The following PLEKHM3 variants were observed in gnomAD, a reference collection of about 807,000 sequenced individuals.
The protein encoded by PLEKHM3 is pleckstrin homology domain containing M3.
Under a neutral mutation model 81.8 loss-of-function variants are expected in PLEKHM3, and 45 were observed. The ratio of observed to expected loss-of-function variants is 0.55; its 90% CI spans 0.43 to 0.71. The LOEUF (loss-of-function observed/expected upper bound fraction) is 0.71, where lower values mean the gene tolerates loss of function less well. Among genes scored for constraint, PLEKHM3 ranks in the 30% least tolerant of loss-of-function variants. PLEKHM3 has a pLI of 0.00. For synonymous variants in PLEKHM3, 352 were observed against 356.4 expected (o/e 0.99, Z 0.14); for missense variants, 788 against 924.3 (o/e 0.85, Z 1.91).
rs2092365423 is a variant in PLEKHM3, at chr2:207,843,398, T to C, written c.2109-14902A>G. ...AGACTTGAGTACTGCTTGTAGGTAC[T>C]TTGGAAGTATTAAAGTCCCCCTAAC... On this transcript the variant is annotated intron_variant, in intron 7 of 7. Transcript: ENST00000427836. This position sits in a 1 kb window ranked among gnomAD's most constrained non-coding sequence, Gnocchi z 4.4. Among the ~76,000 whole-genome samples the C allele has an allele frequency of 6.6e-6, 1 of 152,176 alleles. No homozygotes were observed. The highest frequency in any genetic ancestry group is 1.5e-5 in the Non-Finnish European group (1 of 68,030).
intron 3 of PLEKHM3, among the ~76,000 whole-genome samples, chr2:207,964,455 A>G (rs187639501): frequency 3.3e-5 from 5 of 152,166 alleles, no homozygotes; most frequent in Admixed American, 6.5e-5. Context: ...ACAAAAGTAA[A>G]ACGCAAAGTC....
chr2:207,995,056 A>G (rs1692025862), intron 2 of PLEKHM3, among the ~76,000 whole-genome samples: 2 of 152,194 alleles, frequency 1.3e-5, no homozygotes, highest in Non-Finnish European at 2.9e-5. Flanking sequence ...CAAAACCCCA[A>G]AGCTCTCCCT....
chr2:208,005,017 T>C (rs1456215724), intron 1 of PLEKHM3, among the ~76,000 whole-genome samples: 1 of 133,354 alleles, frequency 7.5e-6, no homozygotes, highest in Non-Finnish European at 1.7e-5. Flanking sequence ...GTAGAGACGG[T>C]GTTTCACCAT....
chr2:207,931,168 C>T (rs78087286), intron 4 of PLEKHM3, 49 bp from the exon 5 acceptor site: 15,077 of 1,499,094 alleles, frequency 0.01, 114 homozygotes, highest in Non-Finnish European at 0.012. Context: ...CCTGGCTCTC[C>T]ACACCTGCTC....
chr2:207,970,658 C>T (rs1283842793), intron 3 of PLEKHM3, among the ~76,000 whole-genome samples: 1 of 152,136 alleles, frequency 6.6e-6, no homozygotes, highest in East Asian at 1.9e-4. Context: ...CACTTTCTGG[C>T]ACTAATTTGT....
chr2:207,971,347 G>C (rs1195108478), intron 3 of PLEKHM3, among the ~76,000 whole-genome samples: 3 of 152,174 alleles, frequency 2.0e-5, no homozygotes, highest in African/African-American at 7.2e-5. Flanking sequence ...ATAAGTTCTA[G>C]TGTTCAATAG....
chr2:207,922,054 C>T lies in PLEKHM3; in HGVS notation c.1886+8872G>A, dbSNP rs566937086. Among the ~76,000 whole-genome samples, 3 of 152,326 alleles carry T rather than the reference C, an allele frequency of 2.0e-5. No homozygotes were observed. The East Asian group carries it at 5.8e-4, about 29-fold the overall frequency. On this transcript the variant is annotated intron_variant, in intron 5 of 7. Coordinates refer to ENST00000427836, the MANE Select transcript of PLEKHM3 (RefSeq NM_001080475.3). ...CTCTATTTTTAGTTTTTTGAGGAAG[C>T]TCCATGCTCTTTTCCATAGAGTCTG...
chr2:207,981,189 GA>G (rs1245714869), intron 2 of PLEKHM3, among the ~76,000 whole-genome samples: 4 of 152,026 alleles, frequency 2.6e-5, no homozygotes, highest in African/African-American at 9.6e-5. Flanking sequence ...AGGTGATCAG[GA>G]AGCTATTTTC....
chr2:207,978,267 C>A (rs1404523394), intron 2 of PLEKHM3, among the ~76,000 whole-genome samples: 1 of 151,926 alleles, frequency 6.6e-6, no homozygotes, highest in Non-Finnish European at 1.5e-5. Flanking sequence ...ATCTAGGAAC[C>A]AATCACGCTT....
chr2:207,844,955 A>C (rs1296356660), intron 7 of PLEKHM3, among the ~76,000 whole-genome samples: 9 of 152,222 alleles, frequency 5.9e-5, no homozygotes, highest in African/African-American at 1.9e-4. Flanking sequence ...CCCTAGCTCT[A>C]CAAAGGTTCG....
At chr2:207,923,853 A>ACG (rs1199307098) in intron 5 of PLEKHM3, among the ~76,000 whole-genome samples, 94 of 47,936 alleles carry the variant, frequency 2.0e-3, no homozygotes, top group Middle Eastern at 8.6e-3. Context: ...ATACACACGC[A>ACG]CGCACACACA....
At chr2:207,901,584 G>A (rs1024843951) in intron 6 of PLEKHM3, among the ~76,000 whole-genome samples, 11 of 152,122 alleles carry the variant, frequency 7.2e-5, no homozygotes, top group Admixed American at 2.0e-4. Flanking sequence ...TGAACTGTTC[G>A]GCACCCACTC....
At chr2:207,867,155 G>C (rs1477889979) in intron 6 of PLEKHM3, among the ~76,000 whole-genome samples, 1 of 152,198 alleles carries the variant, frequency 6.6e-6, no homozygotes, top group Admixed American at 6.5e-5. Context: ...TCATATCTTA[G>C]GTTGTCTTGT....
rs575860532 is a variant in PLEKHM3 at position 207,985,334 on chromosome 2, C to T, written c.611-7748G>A. On this transcript the variant is annotated intron_variant, in intron 2 of 7. Coordinates refer to ENST00000427836, the MANE Select transcript of PLEKHM3 (RefSeq NM_001080475.3). The stretch of plus-strand genomic sequence containing the variant: ...ATCCCTTCTAGTTGAAAACAACTGT[C>T]CTCCTCTGAACCCTCATGGCTCTAT... Among the ~76,000 whole-genome samples, 41 of 152,034 alleles carry T rather than the reference C, an allele frequency of 2.7e-4. No individual in the cohort carries two copies. In the East Asian group the frequency reaches 7.2e-3, roughly 27 times the overall value.
At chr2:207,917,915 T>C (rs1229914811) in intron 5 of PLEKHM3, among the ~76,000 whole-genome samples, 2 of 152,276 alleles carry the variant, frequency 1.3e-5, no homozygotes, top group East Asian at 1.9e-4. Context: ...TGATTTACAA[T>C]AGCATGCAAT....
chr2:207,930,030 A>C, intron 5 of PLEKHM3: 1 of 596,394 alleles, frequency 1.7e-6, no homozygotes, highest in Non-Finnish European at 3.0e-6. Flanking sequence ...TGTATATGCC[A>C]AGGGTGAGAC....
chr2:207,934,937 C>A (rs1689699382), intron 4 of PLEKHM3, among the ~76,000 whole-genome samples: 1 of 152,100 alleles, frequency 6.6e-6, no homozygotes, highest in South Asian at 2.1e-4. Flanking sequence ...ACAAAAATAG[C>A]CCCTGGTGAT....
chr2:207,861,299 T>C (rs751781101), intron 6 of PLEKHM3, 37 bp from the exon 7 acceptor site: 4 of 1,604,508 alleles, frequency 2.5e-6, no homozygotes, highest in East Asian at 2.2e-5. Flanking sequence ...AGCACATTTA[T>C]TGAGAACAGA....
rs138413602 is a variant in PLEKHM3 at position 207,953,281 on chromosome 2, G to C, written c.1547-6769C>G. On this transcript the variant is annotated intron_variant, in intron 3 of 7. Coordinates refer to ENST00000427836, the MANE Select transcript of PLEKHM3 (RefSeq NM_001080475.3). ...CCTTCATAGTGAATTCTCTTCCCAG[G>C]AGTTGAAAACTTCACAGTTGGGAGG... 2.6e-5 allele frequency among the ~76,000 whole-genome samples: 4 copies of C among 152,302 alleles called. No homozygotes were observed. The East Asian group carries it at 7.7e-4, about 29-fold the overall frequency.
Sources: gnomAD v4.1 joint callset for allele counts (sites outside exome capture counted in the v4.1 genomes callset) on GRCh38, gnomAD v4.1.1 for gene constraint, Gnocchi (gnomAD v3.1) non-coding constraint, MANE v1.5 for transcripts, NCBI Gene and HGNC (gene_info 2026-07-23, HGNC 2026-07-21) for gene names.